GADL1: variants seen among roughly 807,000 people sequenced by gnomAD.
GADL1 encodes acidic amino acid decarboxylase GADL1.
In GADL1, 71 loss-of-function variants were observed where a neutral mutation model predicts 69.5. The ratio of observed to expected loss-of-function variants is 1.02; its 90% CI spans 0.84 to 1.25. The LOEUF (loss-of-function observed/expected upper bound fraction) is 1.25. Ranked by LOEUF, GADL1 falls within the 50% of genes most tolerant of loss-of-function variation. The probability of loss-of-function intolerance (pLI) is 0.00; values close to 1 mark genes in which losing one functional copy is unlikely to be tolerated. For missense variants in GADL1, 737 were observed against 631.8 expected (o/e 1.17, Z -1.79); for synonymous variants, 254 against 214.4 (o/e 1.18, Z -1.62).
At chr3:30,769,855 G>T (rs1048778402) in intron 14 of GADL1, among the ~76,000 whole-genome samples, 1 of 88,950 alleles carries the variant, frequency 1.1e-5, no homozygotes, top group South Asian at 3.9e-4. Flanking sequence ...CTGCTGCCAT[G>T]GAGGAGCAAA....
intron 14 of GADL1, among the ~76,000 whole-genome samples, chr3:30,733,549 C>T (rs1176604306): frequency 6.6e-6 from 1 of 152,004 alleles, no homozygotes; most frequent in African/African-American, 2.4e-5. Flanking sequence ...TACCTCCCTC[C>T]CCTGTAAAGT....
chr3:30,754,473 C>CG (rs1450764045), intron 14 of GADL1, among the ~76,000 whole-genome samples: 2 of 145,578 alleles, frequency 1.4e-5, no homozygotes, highest in Admixed American at 1.4e-4. Context: ...ATGCCAATGA[C>CG]GGACTCTCGA....
chr3:30,744,609 G>C (rs1695672723), intron 14 of GADL1, among the ~76,000 whole-genome samples: 1 of 152,104 alleles, frequency 6.6e-6, no homozygotes, highest in African/African-American at 2.4e-5. Flanking sequence ...AACTACTTGG[G>C]AGACCGAGGC....
intron 11 of GADL1, among the ~76,000 whole-genome samples, chr3:30,812,620 G>A (rs1697378892): frequency 1.3e-5 from 2 of 152,162 alleles, no homozygotes; most frequent in Admixed American, 1.3e-4. Context: ...TTCAAAATGA[G>A]ATTTGGGTGG....
intron 13 of GADL1, among the ~76,000 whole-genome samples, chr3:30,784,373 C>T (rs1463379343): frequency 1.4e-5 from 2 of 147,486 alleles, no homozygotes; most frequent in Non-Finnish European, 2.9e-5. Flanking sequence ...CTCACATCAC[C>T]GGCCTGTTGA....
intron 14 of GADL1, among the ~76,000 whole-genome samples, chr3:30,776,154 T>C (rs1696531998): frequency 6.6e-6 from 1 of 152,246 alleles, no homozygotes; most frequent in Non-Finnish European, 1.5e-5. Context: ...TCAATTTCTC[T>C]AAAAACAAAC....
intron 14 of GADL1, among the ~76,000 whole-genome samples, chr3:30,742,574 T>G (rs1695642581): frequency 6.6e-6 from 1 of 152,130 alleles, no homozygotes; most frequent in Admixed American, 6.5e-5. Flanking sequence ...TATTTGGGTC[T>G]TCTCCATTTA....
intron 14 of GADL1, among the ~76,000 whole-genome samples, chr3:30,772,113 T>C (rs2125492781): frequency 6.6e-6 from 1 of 152,168 alleles, no homozygotes; most frequent in East Asian, 1.9e-4. Context: ...CTAAACTCTT[T>C]CTAAAGATAT....
chr3:30,793,607 T>C (rs1503095), intron 12 of GADL1, among the ~76,000 whole-genome samples: 125,548 of 152,180 alleles, frequency 0.82, 52,069 homozygotes, highest in African/African-American at 0.9. Context: ...GGTAAGAACA[T>C]ATTAGTATTC....
At chr3:30,843,563 A>G (rs1245210963) in intron 8 of GADL1, among the ~76,000 whole-genome samples, 1 of 152,064 alleles carries the variant, frequency 6.6e-6, no homozygotes, top group Non-Finnish European at 1.5e-5. Flanking sequence ...GCCTAATGAC[A>G]CCCCTTTTTA....
intron 14 of GADL1, among the ~76,000 whole-genome samples, chr3:30,759,221 CTG>C (rs1696060690): frequency 6.6e-6 from 1 of 151,868 alleles, no homozygotes; most frequent in South Asian, 2.1e-4. Context: ...ACTTAGACAT[CTG>C]TCTCTTTAGC....
At position 30,747,628 on chromosome 3, in the gene GADL1, G is replaced by T. The variant is rs1044843077; in HGVS notation, c.1393-19213C>A. Reference sequence around the variant, plus strand: ...TTTTAGTTTGTTTGTTTGTTTGTTTGCTTTTAAAGTTAATTTATAATTTCC... The same window carrying T: ...TTTTAGTTTGTTTGTTTGTTTGTTTTCTTTTAAAGTTAATTTATAATTTCC... On this transcript the variant is annotated intron_variant, in intron 14 of 14. Coordinates refer to ENST00000282538, the MANE Select transcript of GADL1 (RefSeq NM_207359.3). Among the ~76,000 whole-genome samples, 4 of 152,106 alleles carry T rather than the reference G, an allele frequency of 2.6e-5. No individual in the cohort carries two copies. The East Asian group carries it at 7.7e-4, about 29-fold the overall frequency.
Position 30,730,481 on chromosome 3 carries a change from C to G in GADL1, c.1393-2066G>C, listed in dbSNP as rs368871865. Among the ~76,000 whole-genome samples, 124 of 152,158 alleles carry G rather than the reference C, an allele frequency of 8.1e-4. 1 individual carries two copies. The South Asian group carries it at 0.024, about 29-fold the overall frequency. On this transcript the variant is annotated intron_variant, in intron 14 of 14. Coordinates refer to ENST00000282538, the MANE Select transcript of GADL1 (RefSeq NM_207359.3). ...ACAGGTGTCTGAGTACTTACTTCAC[C>G]TGAAGAAACCCGAGCTGCATAAGAC... is the stretch of plus-strand genomic sequence containing the variant.
At chr3:30,767,113 T>C (rs1449637821) in intron 14 of GADL1, among the ~76,000 whole-genome samples, 1 of 152,196 alleles carries the variant, frequency 6.6e-6, no homozygotes, top group Non-Finnish European at 1.5e-5. Flanking sequence ...GTGCAGGTAG[T>C]TTTTAAATAT....
At position 30,891,242 on chromosome 3, in the gene GADL1, G is replaced by A. The variant is rs752127012; in HGVS notation, c.37+3336C>T. On this transcript the variant is annotated intron_variant, in intron 1 of 14. Transcript: ENST00000282538. ...TGCCCTTTTCCCTCAGAGCCAAGCT[G>A]CTTTGATCCTTAGCAACCAAACAGC... 5.3e-5 allele frequency among the ~76,000 whole-genome samples: 8 copies of A among 152,098 alleles called. No homozygotes were observed. In the East Asian group the frequency reaches 1.6e-3, roughly 30 times the overall value.
intron 8 of GADL1, among the ~76,000 whole-genome samples, chr3:30,843,400 C>T (rs962724182): frequency 6.6e-6 from 1 of 152,036 alleles, no homozygotes; most frequent in African/African-American, 2.4e-5. Flanking sequence ...GGATTACAGG[C>T]ATGCACCACC....
intron 14 of GADL1, among the ~76,000 whole-genome samples, chr3:30,774,478 C>A (rs1330044194): frequency 6.6e-6 from 1 of 152,116 alleles, no homozygotes; most frequent in Non-Finnish European, 1.5e-5. Flanking sequence ...AAAAGTATAT[C>A]ATTAATACCA....
chr3:30,818,825 C>G (rs1232418035), intron 11 of GADL1, among the ~76,000 whole-genome samples: 2 of 152,154 alleles, frequency 1.3e-5, no homozygotes, highest in Non-Finnish European at 2.9e-5. Context: ...CCACCCTTAG[C>G]TCATCCCAAG....
At chr3:30,839,953 T>C (rs1697940669) in intron 8 of GADL1, among the ~76,000 whole-genome samples, 1 of 152,128 alleles carries the variant, frequency 6.6e-6, no homozygotes, top group Non-Finnish European at 1.5e-5. Context: ...TGTTTCCAAA[T>C]GGATTGCTCC....
Sources: allele counts gnomAD v4.1 joint callset (sites outside exome capture counted in the v4.1 genomes callset), GRCh38; gene constraint gnomAD v4.1.1; transcripts MANE v1.5; gene names NCBI Gene and HGNC (gene_info 2026-07-23, HGNC 2026-07-21).